Variants in CDH13 observed in about 807,000 individuals in gnomAD.
The protein encoded by CDH13 is cadherin 13.
In CDH13, 24 loss-of-function variants were observed where a neutral mutation model predicts 63.8. That is an observed-to-expected ratio of 0.38 (90% confidence interval 0.27 to 0.53). The LOEUF (loss-of-function observed/expected upper bound fraction) is 0.53. Ranked by LOEUF, CDH13 falls within the 20% of genes least tolerant of loss-of-function variation. The pLI is 0.85. For missense variants in CDH13, 1,049 were observed against 903.1 expected (o/e 1.16, Z -2.07); for synonymous variants, 503 against 355.3 (o/e 1.42, Z -4.67).
At chr16:83,002,835 C>A (rs1454051262) in intron 2 of CDH13, among the ~76,000 whole-genome samples, 1 of 152,078 alleles carries the variant, frequency 6.6e-6, no homozygotes, top group Admixed American at 6.6e-5. Flanking sequence ...CTGGAGTGTG[C>A]CTAGTGTATT....
intron 7 of CDH13, among the ~76,000 whole-genome samples, chr16:83,532,671 T>C (rs1408300955): frequency 6.6e-6 from 1 of 152,234 alleles, no homozygotes; most frequent in Non-Finnish European, 1.5e-5. Flanking sequence ...ATCTCTGCAG[T>C]GGCTTGCACC....
intron 5 of CDH13, among the ~76,000 whole-genome samples, chr16:83,232,342 T>C (rs952549683): frequency 6.7e-6 from 1 of 148,482 alleles, no homozygotes; most frequent in African/African-American, 2.5e-5. Context: ...CTGGCCAACA[T>C]GGCGAAGCCC....
chr16:83,266,078 A>C (rs1350783229), intron 5 of CDH13, among the ~76,000 whole-genome samples: 1 of 152,036 alleles, frequency 6.6e-6, no homozygotes, highest in African/African-American at 2.4e-5. Flanking sequence ...CTGAGATTAC[A>C]GGCGCCTGCC....
At chr16:83,447,053 TAAAAAAAAAAAA>T (rs56692922) in intron 6 of CDH13, among the ~76,000 whole-genome samples, 1 of 64,286 alleles carries the variant, frequency 1.6e-5, no homozygotes, top group Non-Finnish European at 3.0e-5. Context: ...TCACCCGTCT[TAAAAAAAAAAAA>T]AAAAAAAAAC....
chr16:83,393,469 C>G (rs950593632), intron 6 of CDH13, among the ~76,000 whole-genome samples: 1 of 152,248 alleles, frequency 6.6e-6, no homozygotes, highest in African/African-American at 2.4e-5. Context: ...AATCTGCTGC[C>G]CGAGTCCAGT....
chr16:82,702,449 C>G (rs1301929158), intron 1 of CDH13, among the ~76,000 whole-genome samples: 3 of 152,214 alleles, frequency 2.0e-5, no homozygotes, highest in African/African-American at 7.2e-5. Context: ...CCAGGGCCCA[C>G]ATGCAGTACC....
At chr16:83,404,503 C>T (rs1438155457) in intron 6 of CDH13, among the ~76,000 whole-genome samples, 1 of 152,156 alleles carries the variant, frequency 6.6e-6, no homozygotes, top group African/African-American at 2.4e-5. Context: ...ACTTAGAGCC[C>T]ACAAGAAGAA....
intron 2 of CDH13, among the ~76,000 whole-genome samples, chr16:82,986,024 C>A (rs940757765): frequency 6.6e-6 from 1 of 152,150 alleles, no homozygotes; most frequent in Admixed American, 6.5e-5. Context: ...GAACCATGAG[C>A]CAATTACACC....
chr16:83,717,943 C>T (rs556507540), intron 10 of CDH13: 3 of 152,382 alleles, frequency 2.0e-5, no homozygotes, highest in South Asian at 2.1e-4. Context: ...ACCACTCTGG[C>T]TTGATGAAGT....
chr16:83,050,222 G>A (rs1228306754), intron 3 of CDH13, among the ~76,000 whole-genome samples: 1 of 152,076 alleles, frequency 6.6e-6, no homozygotes, highest in African/African-American at 2.4e-5. Flanking sequence ...GTTATAACTT[G>A]CTTTTGGGTT....
chr16:82,653,787 C>G (rs970019832), intron 1 of CDH13, among the ~76,000 whole-genome samples: 2 of 152,138 alleles, frequency 1.3e-5, no homozygotes, highest in Admixed American at 6.5e-5. Flanking sequence ...TTCCAATGAT[C>G]AGCATGCTTG....
intron 10 of CDH13, among the ~76,000 whole-genome samples, chr16:83,686,066 GGAGA>G (rs1904309046): frequency 6.6e-6 from 1 of 152,120 alleles, no homozygotes; most frequent in South Asian, 2.1e-4. Flanking sequence ...TTACTGATGA[GGAGA>G]GAGAACCTCC....
chr16:83,662,806 C>G (rs934241483), intron 8 of CDH13, among the ~76,000 whole-genome samples: 1 of 152,146 alleles, frequency 6.6e-6, no homozygotes, highest in African/African-American at 2.4e-5. Flanking sequence ...GAATAGAAAC[C>G]TGCTCAAGGC....
At chr16:82,676,053 C>G (rs1913863039) in intron 1 of CDH13, among the ~76,000 whole-genome samples, 1 of 152,174 alleles carries the variant, frequency 6.6e-6, no homozygotes, top group Admixed American at 6.5e-5. Context: ...TGATTAAGCC[C>G]CCAGTCTGTG....
chr16:83,462,239 C>T (rs776704957), intron 6 of CDH13, among the ~76,000 whole-genome samples: 1 of 152,212 alleles, frequency 6.6e-6, no homozygotes, highest in Non-Finnish European at 1.5e-5. Context: ...GCTGCCTTAG[C>T]CCCTGGGAAA....
intron 1 of CDH13, among the ~76,000 whole-genome samples, chr16:82,723,790 T>C (rs1003386818): frequency 6.6e-6 from 1 of 152,216 alleles, no homozygotes; most frequent in African/African-American, 2.4e-5. Flanking sequence ...CCTTGAGTAA[T>C]CAGAGTTAAA....
chr16:82,645,135 C>G (rs9925979), intron 1 of CDH13, among the ~76,000 whole-genome samples: 39,723 of 152,002 alleles, frequency 0.26, 6,179 homozygotes, highest in African/African-American at 0.44. Flanking sequence ...AAAACAAGCT[C>G]CTAGGATGCC....
chr16:83,399,145 G>A lies in CDH13; in HGVS notation c.781+54139G>A, dbSNP rs1459049851. Among the ~76,000 whole-genome samples the A allele has an allele frequency of 3.9e-5, 6 of 152,218 alleles. No individual in the cohort carries two copies. The East Asian group carries it at 1.2e-3, about 29-fold the overall frequency. Reference sequence around the variant, plus strand: ...AATAGATGGTTTGTTTCTGTAGAAAGAACAGTTAATTCTGGACTCAGATCC... The same window carrying A: ...AATAGATGGTTTGTTTCTGTAGAAAAAACAGTTAATTCTGGACTCAGATCC... On this transcript the variant is annotated intron_variant, in intron 6 of 13. Transcript: ENST00000567109.
At chr16:83,085,593 G>C (rs938905285) in intron 3 of CDH13, among the ~76,000 whole-genome samples, 10 of 152,204 alleles carry the variant, frequency 6.6e-5, no homozygotes, top group African/African-American at 2.4e-4. Flanking sequence ...ACTGTGTTAT[G>C]ACACAGCTAT....
Sources: gnomAD v4.1 joint callset for allele counts (sites outside exome capture counted in the v4.1 genomes callset) on GRCh38, gnomAD v4.1.1 for gene constraint, MANE v1.5 for transcripts, NCBI Gene and HGNC (gene_info 2026-07-23, HGNC 2026-07-21) for gene names.